COL4A6: variants seen among roughly 807,000 people sequenced by gnomAD.
The protein encoded by COL4A6 is collagen type IV alpha 6 chain.
A neutral mutation model predicts 126.7 loss-of-function variants in COL4A6; 59 were observed. The observed-to-expected ratio is 0.47, with a 90% CI of 0.38 to 0.58. The LOEUF (loss-of-function observed/expected upper bound fraction) is 0.58, where lower values mean the gene tolerates loss of function less well. Ranked by LOEUF, COL4A6 falls within the 20% of genes least tolerant of loss-of-function variation. COL4A6 has a pLI of 0.00. For synonymous variants in COL4A6, 547 were observed against 496.6 expected (o/e 1.10, Z -1.35); for missense variants, 1,285 against 1,337.3 (o/e 0.96, Z 0.61).
chrX:108,269,228 A>T, intron 3 of COL4A6: 1 of 321,473 alleles, frequency 3.1e-6, no homozygotes, highest in Non-Finnish European at 6.0e-6. Flanking sequence ...CGGAGCCTGC[A>T]CTCATGAGGA....
Position 108,252,030 on chromosome X carries a change from C to A in COL4A6, c.145-30656G>T, listed in dbSNP as rs2036861555. Among the ~76,000 whole-genome samples, 8 of 111,137 alleles carry A rather than the reference C, an allele frequency of 7.2e-5. No homozygotes were observed. In the Admixed American group the frequency reaches 7.7e-4, roughly 11 times the overall value. ...TAGCTATTTTGAAATATACAATACACTATTGTTAACTGTAGTCACCCTACT... is the reference window on the plus strand; with the variant it reads ...TAGCTATTTTGAAATATACAATACAATATTGTTAACTGTAGTCACCCTACT... On this transcript the variant is annotated intron_variant, in intron 3 of 44. Transcript: ENST00000334504.
chrX:108,281,770 A>G (rs1434174207), intron 3 of COL4A6, among the ~76,000 whole-genome samples: 3 of 110,159 alleles, frequency 2.7e-5, no homozygotes, highest in Non-Finnish European at 5.7e-5. Flanking sequence ...AGTAACCAAA[A>G]CAGCATGGCA....
intron 3 of COL4A6, among the ~76,000 whole-genome samples, chrX:108,266,765 T>C (rs1017640680): frequency 1.8e-5 from 2 of 111,892 alleles, no homozygotes; most frequent in Non-Finnish European, 3.8e-5. Flanking sequence ...TTAATGAACA[T>C]GGTGCTACTA....
At chrX:108,291,980 T>A (rs1219516215) in intron 3 of COL4A6, among the ~76,000 whole-genome samples, 1 of 112,068 alleles carries the variant, frequency 8.9e-6, no homozygotes, top group Admixed American at 9.5e-5. Flanking sequence ...GGCCTCTTTT[T>A]AATCACTGTA....
intron 3 of COL4A6, among the ~76,000 whole-genome samples, chrX:108,283,201 G>C (rs1355264807): frequency 9.0e-6 from 1 of 110,791 alleles, no homozygotes; most frequent in East Asian, 2.8e-4. Context: ...AGGCAAGAAG[G>C]GCAGATAGTC....
chrX:108,354,943 G>A (rs148888609), intron 2 of COL4A6, among the ~76,000 whole-genome samples: 335 of 110,957 alleles, frequency 3.0e-3, no homozygotes, highest in African/African-American at 0.011. Flanking sequence ...ACAACCCTAC[G>A]TAAGTTGTCT....
chrX:108,421,481 T>C (rs187869435), intron 2 of COL4A6, among the ~76,000 whole-genome samples: 2 of 111,799 alleles, frequency 1.8e-5, no homozygotes, highest in Non-Finnish European at 3.8e-5. Flanking sequence ...AAAGAAGCCA[T>C]TGGATTTAGT....
intron 2 of COL4A6, among the ~76,000 whole-genome samples, chrX:108,426,898 A>G (rs1259662876): frequency 8.9e-6 from 1 of 112,105 alleles, no homozygotes; most frequent in Non-Finnish European, 1.9e-5. Context: ...ATAAAGAAAT[A>G]GAAGGAGAAA....
intron 21 of COL4A6, among the ~76,000 whole-genome samples, chrX:108,188,306 A>G (rs2034933997): frequency 8.9e-6 from 1 of 112,378 alleles, no homozygotes; most frequent in African/African-American, 3.2e-5. Context: ...GAAGGAAGAA[A>G]TTGTGGAAAG....
chrX:108,390,448 A>G (rs1217132031), intron 2 of COL4A6, among the ~76,000 whole-genome samples: 1 of 108,326 alleles, frequency 9.2e-6, no homozygotes, highest in African/African-American at 3.4e-5. Context: ...TTTTTTCTCT[A>G]ATCTTTTCTT....
intron 2 of COL4A6, among the ~76,000 whole-genome samples, chrX:108,397,999 G>A (rs1192346669): frequency 8.9e-6 from 1 of 112,658 alleles, no homozygotes; most frequent in Admixed American, 9.4e-5. Context: ...TCAAGACCCC[G>A]TGTTAGACGA....
At chrX:108,178,591 A>G (rs2034573698) in intron 27 of COL4A6, 93 bp downstream of exon 27, 3 of 903,611 alleles carry the variant, frequency 3.3e-6, no homozygotes, top group African/African-American at 3.9e-5. Context: ...AATTCTGACC[A>G]TGTCCCACTA....
chrX:108,232,394 T>C (rs1349021236), intron 3 of COL4A6, among the ~76,000 whole-genome samples: 1 of 112,038 alleles, frequency 8.9e-6, no homozygotes, highest in African/African-American at 3.2e-5. Flanking sequence ...GTAACTATTA[T>C]AAATGGTTGA....
intron 6 of COL4A6, 88 bp downstream of exon 6, chrX:108,214,024 T>C: frequency 1.3e-6 from 1 of 769,039 alleles, no homozygotes; most frequent in Non-Finnish European, 2.0e-6. Flanking sequence ...CCCCACAAAA[T>C]CTTGAGGTTT....
intron 3 of COL4A6, among the ~76,000 whole-genome samples, chrX:108,240,521 G>A (rs1205483401): frequency 9.0e-6 from 1 of 111,570 alleles, no homozygotes; most frequent in African/African-American, 3.3e-5. Flanking sequence ...GTAGAACTTC[G>A]CATTTCTATT....
chrX:108,299,877 G>A (rs1387606887), intron 3 of COL4A6, among the ~76,000 whole-genome samples: 3 of 111,635 alleles, frequency 2.7e-5, no homozygotes, highest in African/African-American at 9.8e-5. Context: ...CAATTCTAAG[G>A]TACTCTGCAG....
At chrX:108,351,155 C>T (rs1192441201) in intron 2 of COL4A6, among the ~76,000 whole-genome samples, 2 of 111,309 alleles carry the variant, frequency 1.8e-5, no homozygotes, top group Non-Finnish European at 3.8e-5. Context: ...TTACTGTCAT[C>T]GTCCAAAGAA....
intron 2 of COL4A6, among the ~76,000 whole-genome samples, chrX:108,343,160 T>C (rs1366896374): frequency 1.9e-5 from 1 of 52,445 alleles, no homozygotes. Flanking sequence ...TATATATATA[T>C]ATATAGTGTG....
intron 2 of COL4A6, among the ~76,000 whole-genome samples, chrX:108,386,268 A>G (rs2045048717): frequency 1.8e-5 from 2 of 111,940 alleles, no homozygotes; most frequent in Non-Finnish European, 3.8e-5. Context: ...TGGTATTTCT[A>G]GTTCTAGATC....
Sources: allele counts gnomAD v4.1 joint callset (sites outside exome capture counted in the v4.1 genomes callset), GRCh38; gene constraint gnomAD v4.1.1; transcripts MANE v1.5; gene names NCBI Gene and HGNC (gene_info 2026-07-23, HGNC 2026-07-21).